The following ZNF106 variants were observed in gnomAD, a reference collection of about 807,000 sequenced individuals.
The protein encoded by ZNF106 is SH3-domain binding protein 3.
In ZNF106, 67 loss-of-function variants were observed where a neutral mutation model predicts 195.1. The observed-to-expected ratio is 0.34, with a 90% confidence interval of 0.28 to 0.42. The LOEUF is 0.42. Ranked by LOEUF, ZNF106 falls within the 10% of genes least tolerant of loss-of-function variation. The pLI, the probability that ZNF106 is intolerant of heterozygous loss-of-function variation, is 1.00. For synonymous variants in ZNF106, 784 were observed against 818.6 expected (o/e 0.96, Z 0.72); for missense variants, 2,118 against 2,304.5 (o/e 0.92, Z 1.66).
At chr15:42,437,555 G>A (rs1176216252) in intron 12 of ZNF106, among the ~76,000 whole-genome samples, 178 bp from the exon 13 acceptor site, 1 of 152,158 alleles carries the variant, frequency 6.6e-6, no homozygotes, top group Non-Finnish European at 1.5e-5. Flanking sequence ...TATGAAGACT[G>A]CATGATAAGC....
chr15:42,474,599 G>C (rs1247095821), intron 1 of ZNF106, among the ~76,000 whole-genome samples: 2 of 152,016 alleles, frequency 1.3e-5, no homozygotes, highest in East Asian at 3.9e-4. Flanking sequence ...AAAAATGAAA[G>C]AATTAGCTGG....
At chr15:42,449,324 C>A (rs751210937) in intron 5 of ZNF106, among the ~76,000 whole-genome samples, 11 of 151,936 alleles carry the variant, frequency 7.2e-5, no homozygotes, top group Non-Finnish European at 1.3e-4. Context: ...AAGATAATGC[C>A]CAGAGTACAT....
Position 42,428,023 on chromosome 15 carries a change from T to G in ZNF106, c.4993A>C (p.Ile1665Leu). The G allele has an allele frequency of 6.2e-7, 1 of 1,613,114 alleles. No homozygotes were observed. Among genetic ancestry groups the G allele is most frequent in the South Asian group, 1.1e-5 (1 of 91,062 alleles). The change falls in exon 15 of 22, where the codon ATA becomes CTA. Residue 1665 changes from isoleucine to leucine, a missense_variant. Physicochemically the swap from Ile to Leu is conservative, Grantham distance 5. Coordinates refer to ENST00000564754, the MANE Select transcript of ZNF106 (RefSeq NM_001366845.3). ...TTTCTCCTCCAACCACTAACCTTTA[T>G]GTTGAAGGTGACCACAGTGCCATTT... ...LANGTVVTFN[I>L]KNNKRLEIFE...
chr15:42,435,609 A>C, intron 13 of ZNF106, 91 bp from the exon 14 acceptor site: 1 of 1,493,232 alleles, frequency 6.7e-7, no homozygotes, highest in Non-Finnish European at 9.2e-7. Context: ...TAAAACATTC[A>C]GTTCACTGCT....
Position 42,449,895 on chromosome 15 carries a change from T to C in ZNF106, c.2377A>G (p.Lys793Glu). The change falls in exon 5 of 22, where the codon AAG (lysine) becomes GAG (glutamate). Residue 793 changes from lysine (K) to glutamate (E), a missense_variant. By Grantham distance (56) the Lys-to-Glu change is moderately conservative. Coordinates refer to ENST00000564754, the MANE Select transcript of ZNF106 (RefSeq NM_001366845.3). ...ISGHRKSETE[K>E]ESGLKPTLRQ... ...AGGGTTGGCTTGAGCCCAGACTCCT[T>C]CTCTGTCTCACTCTTTCGGTGACCG... The C allele has an allele frequency of 6.2e-7, 1 of 1,614,154 alleles. No homozygotes were observed. The highest frequency in any genetic ancestry group is 8.5e-7 in the Non-Finnish European group (1 of 1,180,008).
At position 42,469,598 on chromosome 15, in the gene ZNF106, T is replaced by C. The variant is rs567518246; in HGVS notation, c.54+2638A>G. ...CACACCTGTAATTACGCCCAGTACT[T>C]TGGGAGGTCAAGGTGGAAGGATCAC... On this transcript the variant is annotated intron_variant, in intron 2 of 21. Transcript: ENST00000564754. 8.5e-5 allele frequency among the ~76,000 whole-genome samples: 13 copies of C among 152,074 alleles called. No homozygotes were observed. The South Asian group carries it at 2.7e-3, about 32-fold the overall frequency.
chr15:42,483,480 C>T (rs1014003901), intron 1 of ZNF106, among the ~76,000 whole-genome samples: 1 of 152,140 alleles, frequency 6.6e-6, no homozygotes, highest in Non-Finnish European at 1.5e-5. Context: ...TGAGGTGGCT[C>T]GGCATTCCAG....
Position 42,440,998 on chromosome 15 carries a change from AATATATATATATAT to A in ZNF106, c.3763+1061_3763+1074del, listed in dbSNP as rs56924955. 8.1e-4 allele frequency among the ~76,000 whole-genome samples: 19 copies of A among 23,578 alleles called. 1 individual carries two copies. The highest frequency in any genetic ancestry group is 1.5e-3 in the African/African-American group (6 of 4,032). The allele number at this position is 23,578 out of a possible 152,430, so 15.5% of individuals were successfully genotyped here. The stretch of plus-strand genomic sequence containing the variant: ...AAACTCTGTCTAAAAAAAAAAAAAA[AATATATATATATAT>A]ATATATATATATATATATATATATA... On this transcript the variant is annotated intron_variant, in intron 10 of 21. Coordinates refer to ENST00000564754, the MANE Select transcript of ZNF106 (RefSeq NM_001366845.3).
Position 42,439,059 on chromosome 15 carries a change from A to T in ZNF106, c.4518T>A (p.Thr1506=). 3.1e-6 allele frequency: 5 copies of T among 1,613,822 alleles called. No homozygotes were observed. Among genetic ancestry groups the T allele is most frequent in the Non-Finnish European group, 4.2e-6 (5 of 1,179,864 alleles). The change falls in exon 11 of 22, where the codon ACT becomes ACA. Residue 1506 remains threonine (T), a synonymous_variant. Coordinates refer to ENST00000564754, the MANE Select transcript of ZNF106 (RefSeq NM_001366845.3). The part of the protein sequence containing the change: ...DEVSSTSEIG[T]RYKDGIPVSV... ...TTACAGGGATGCCATCTTTATAGCGAGTGCCAATTTCACTGGTAGAGCTAA... is the reference window on the plus strand; with the variant it reads ...TTACAGGGATGCCATCTTTATAGCGTGTGCCAATTTCACTGGTAGAGCTAA...
At chr15:42,455,728 G>A (rs1463362472) in intron 4 of ZNF106, among the ~76,000 whole-genome samples, 4 of 152,236 alleles carry the variant, frequency 2.6e-5, no homozygotes, top group South Asian at 2.1e-4. Context: ...CCTTTTTATA[G>A]TTAAGCCTCT....
At chr15:42,474,806 G>A (rs1043399213) in intron 1 of ZNF106, among the ~76,000 whole-genome samples, 1 of 152,082 alleles carries the variant, frequency 6.6e-6, no homozygotes, top group East Asian at 1.9e-4. Context: ...CTCAACAATG[G>A]TTTACTCTTT....
In ZNF106 at chr15:42,451,668, T is replaced by A. The variant is rs1264225515; in HGVS notation, c.604A>T (p.Ser202Cys). Residue 202 changes from serine to cysteine, a missense_variant, in exon 5 of 22, where the codon AGT becomes TGT. Coordinates refer to ENST00000564754, the MANE Select transcript of ZNF106 (RefSeq NM_001366845.3). ...GGSSTWFHNH[S>C]NSGGGWLSNS... ...GAAAGCCAACCACCTCCAGAATTAC[T>A]ATGGTTGTGAAACCAAGTCGAGGAG... The A allele has an allele frequency of 1.2e-6, 2 of 1,614,092 alleles. No individual in the cohort carries two copies. Among genetic ancestry groups the A allele is most frequent in the Admixed American group, 3.3e-5 (2 of 60,006 alleles).
chr15:42,460,407 C>T (rs1025676220), intron 3 of ZNF106, among the ~76,000 whole-genome samples: 1 of 152,204 alleles, frequency 6.6e-6, no homozygotes, highest in Admixed American at 6.5e-5. Flanking sequence ...CCCACACACC[C>T]TGCAACCCCC....
chr15:42,451,725 G>A lies in ZNF106; in HGVS notation c.547C>T (p.Arg183Cys), dbSNP rs745924215. ...GCAACACCCTTATGCCACCCGGAAC[G>A]TCCTCTTGGTCCACCACCATTCCTC... ...SLRNGGGPRG[R>C]SGWHKGVAGG... The change falls in exon 5 of 22, where the codon CGT (arginine) becomes TGT (cysteine). Residue 183 changes from arginine (R) to cysteine (C), a missense_variant. By Grantham distance (180) the Arg-to-Cys change is radical. Coordinates refer to ENST00000564754, the MANE Select transcript of ZNF106 (RefSeq NM_001366845.3). The A allele has an allele frequency of 1.7e-5, 28 of 1,614,028 alleles. No individual in the cohort carries two copies. The highest frequency in any genetic ancestry group is 2.2e-5 in the East Asian group (1 of 44,900).
intron 3 of ZNF106, 104 bp from the exon 4 acceptor site, chr15:42,457,262 C>T (rs757285839): frequency 1.5e-5 from 23 of 1,560,376 alleles, no homozygotes; most frequent in Admixed American, 1.2e-4. Flanking sequence ...CACTTTGGCA[C>T]AGTGAAAAAT....
intron 5 of ZNF106, 111 bp from the exon 6 acceptor site, chr15:42,448,816 T>C (rs533431382): frequency 8.6e-7 from 1 of 1,165,382 alleles, no homozygotes; most frequent in African/African-American, 1.5e-5. Flanking sequence ...AAAAGTAAGG[T>C]GGCTCTTGCC....
intron 2 of ZNF106, among the ~76,000 whole-genome samples, chr15:42,468,226 G>A (rs1420837564): frequency 5.9e-5 from 9 of 151,518 alleles, no homozygotes; most frequent in South Asian, 2.1e-4. Context: ...ACAGGCATGC[G>A]CCACTATGCC....
At position 42,447,161 on chromosome 15, in the gene ZNF106, T is replaced by C. The variant is rs772281619; in HGVS notation, c.3136-503A>G. Among the ~76,000 whole-genome samples, 11 of 152,218 alleles carry C rather than the reference T, an allele frequency of 7.2e-5. 1 individual carries two copies. The highest frequency in any genetic ancestry group is 1.0e-4 in the Non-Finnish European group (7 of 68,038). On this transcript the variant is annotated intron_variant, in intron 6 of 21. Coordinates refer to ENST00000564754, the MANE Select transcript of ZNF106 (RefSeq NM_001366845.3). Reference sequence around the variant, plus strand: ...TAGCATCTAGCTCAAAGGAGCAGAATTGCAATTTGAAGCAAGTCTAAAATT... The same window carrying C: ...TAGCATCTAGCTCAAAGGAGCAGAACTGCAATTTGAAGCAAGTCTAAAATT...
chr15:42,482,424 G>C (rs1366918737), intron 1 of ZNF106, among the ~76,000 whole-genome samples: 2 of 151,360 alleles, frequency 1.3e-5, no homozygotes, highest in African/African-American at 2.4e-5. Context: ...TTCCTCCAAA[G>C]AGTATTGACT....
Sources: allele counts gnomAD v4.1 joint callset (sites outside exome capture counted in the v4.1 genomes callset), GRCh38; gene constraint gnomAD v4.1.1; transcripts MANE v1.5; gene names NCBI Gene and HGNC (gene_info 2026-07-23, HGNC 2026-07-21).